Variants in COL6A6 observed in about 807,000 individuals in gnomAD.
The protein encoded by COL6A6 is collagen type VI alpha 6 chain, also known as collagen alpha-6(VI) chain.
In COL6A6, 183 loss-of-function variants were observed where a neutral mutation model predicts 208.6. The ratio of observed to expected loss-of-function variants is 0.88; its 90% CI spans 0.78 to 0.99. The LOEUF is 0.99. Ranked by LOEUF, COL6A6 falls within the 50% of genes least tolerant of loss-of-function variation. The probability of loss-of-function intolerance (pLI) is 0.00; values close to 1 mark genes in which losing one functional copy is unlikely to be tolerated. For synonymous variants in COL6A6, 973 were observed against 1,011.8 expected (o/e 0.96, Z 0.73); for missense variants, 2,816 against 2,815.2 (o/e 1.00, Z -0.01).
rs563329650 is a variant in COL6A6 at position 130,652,381 on chromosome 3, A to T, written c.5733+2819A>T. ...AGTCAGATTCAGAGATGATAAACAC[A>T]ACAAGGACCACATTGCTTTACAACA... On this transcript the variant is annotated intron_variant, in intron 33 of 36. Coordinates refer to ENST00000358511, the MANE Select transcript of COL6A6 (RefSeq NM_001102608.3). 2.6e-5 allele frequency among the ~76,000 whole-genome samples: 4 copies of T among 152,374 alleles called. No individual in the cohort carries two copies. The East Asian group carries it at 7.7e-4, about 29-fold the overall frequency.
intron 36 of COL6A6, among the ~76,000 whole-genome samples, chr3:130,672,964 T>A (rs1199480013): frequency 6.9e-6 from 1 of 145,346 alleles, no homozygotes; most frequent in East Asian, 2.1e-4. Context: ...TAAGCCGGGA[T>A]CATGCCACTG....
In COL6A6 at chr3:130,677,041, A is replaced by G. The variant is rs1298218584; in HGVS notation, c.*1644A>G. 6.6e-6 allele frequency: 1 copy of G among 152,244 alleles called. No homozygotes were observed. Among genetic ancestry groups the G allele is most frequent in the African/African-American group, 2.4e-5 (1 of 41,474 alleles). The allele number at this position is 152,244 out of a possible 1,614,324, so 9.4% of individuals were successfully genotyped here. On this transcript the variant is annotated 3_prime_UTR_variant, in exon 37 of 37. Transcript: ENST00000358511. ...ATTGGCAAGTAAAGAACATAAAACAAATATTCCCTTGGTGACAGATTATTT... is the reference window on the plus strand; with the variant it reads ...ATTGGCAAGTAAAGAACATAAAACAGATATTCCCTTGGTGACAGATTATTT...
intron 32 of COL6A6, among the ~76,000 whole-genome samples, chr3:130,646,943 G>A (rs1184128860): frequency 1.3e-5 from 2 of 152,206 alleles, no homozygotes; most frequent in Non-Finnish European, 2.9e-5. Context: ...CAAAGGCCTA[G>A]TTTAGAGAGG....
intron 20 of COL6A6, among the ~76,000 whole-genome samples, chr3:130,604,683 G>C (rs2064131300): frequency 6.6e-6 from 1 of 152,136 alleles, no homozygotes; most frequent in Admixed American, 6.5e-5. Flanking sequence ...GAAGGGAACA[G>C]GAACTCAATA....
Position 130,565,593 on chromosome 3 carries a change from A to C in COL6A6, c.1261A>C (p.Arg421=), listed in dbSNP as rs1410452841. 1.2e-6 allele frequency: 2 copies of C among 1,612,630 alleles called. No homozygotes were observed. The highest frequency in any genetic ancestry group is 3.3e-5 in the Admixed American group (2 of 59,794). ...ITHTVSVFSE[R]TETLKSGCVD... ...ACACACAGTCTCTGTCTTTTCAGAG[A>C]GGACTGAAACGCTCAAATCTGGTAA... Residue 421 remains arginine, a synonymous_variant, in exon 4 of 37, where the codon AGG becomes CGG. Coordinates refer to ENST00000358511, the MANE Select transcript of COL6A6 (RefSeq NM_001102608.3).
Position 130,581,758 on chromosome 3 carries a change from A to G in COL6A6, c.3745A>G (p.Lys1249Glu), listed in dbSNP as rs771407359. Residue 1249 changes from lysine (K) to glutamate (E), a missense_variant, in exon 9 of 37, where the codon AAA becomes GAA. Transcript: ENST00000358511. ...VAFQVTNAME[K>E]YSPKFEIYSE... is the part of the protein sequence containing the mutation. ...TTTTCAAGTGACCAATGCCATGGAA[A>G]AATATTCTCCCAAGTTTGAGATCTA... is the stretch of plus-strand genomic sequence containing the variant. 8 of 1,613,938 alleles carry G rather than the reference A, an allele frequency of 5.0e-6. No individual in the cohort carries two copies. In the South Asian group the frequency reaches 8.8e-5, roughly 18 times the overall value.
chr3:130,655,752 G>C (rs1012818905), intron 33 of COL6A6, among the ~76,000 whole-genome samples: 12 of 152,222 alleles, frequency 7.9e-5, no homozygotes, highest in Non-Finnish European at 1.8e-4. Context: ...GATCTTTGGG[G>C]TGTTGCTCCA....
chr3:130,669,577 TTTATC>T (rs1430421759), intron 36 of COL6A6, among the ~76,000 whole-genome samples: 2 of 152,056 alleles, frequency 1.3e-5, no homozygotes, highest in African/African-American at 4.8e-5. Context: ...TTTAGGAAAT[TTTATC>T]TTAATTCTCA....
intron 33 of COL6A6, among the ~76,000 whole-genome samples, chr3:130,656,009 C>T (rs555824577): frequency 6.6e-6 from 1 of 152,362 alleles, no homozygotes; most frequent in East Asian, 1.9e-4. Context: ...AAGCAGCTTC[C>T]ACAGCTGGCA....
At chr3:130,674,906 G>A (rs1390587252) in intron 36 of COL6A6, among the ~76,000 whole-genome samples, 1 of 152,162 alleles carries the variant, frequency 6.6e-6, no homozygotes, top group East Asian at 1.9e-4. Flanking sequence ...GGTACCATTT[G>A]AACCCAAATC....
At chr3:130,522,831 A>T (rs2107669737) in intron 1 of COL6A6, among the ~76,000 whole-genome samples, 1 of 151,030 alleles carries the variant, frequency 6.6e-6, no homozygotes, top group Middle Eastern at 3.4e-3. Flanking sequence ...ATCTCTACAA[A>T]CTTCTCTCCA....
Position 130,568,125 on chromosome 3 carries a change from T to C in COL6A6, c.1922T>C (p.Met641Thr). The change falls in exon 6 of 37, where the codon ATG (methionine) becomes ACG (threonine). Residue 641 changes from methionine (M) to threonine (T), a missense_variant. Physicochemically the swap from Met to Thr is moderately conservative, Grantham distance 81. Transcript: ENST00000358511. Reference sequence around the variant, plus strand: ...ATAGGACCTGAAAACTTCAGCAAAATGAAAACATTTATGAAAAACCTGGTG... The same window carrying C: ...ATAGGACCTGAAAACTTCAGCAAAACGAAAACATTTATGAAAAACCTGGTG... ...GSIGPENFSK[M>T]KTFMKNLVSK... is the part of the protein sequence containing the mutation. The C allele has an allele frequency of 5.0e-6, 8 of 1,613,970 alleles. No homozygotes were observed. The highest frequency in any genetic ancestry group is 5.9e-6 in the Non-Finnish European group (7 of 1,179,874).
intron 36 of COL6A6, 62 bp downstream of exon 36, chr3:130,665,158 TC>T: frequency 9.0e-7 from 1 of 1,114,038 alleles, no homozygotes; most frequent in South Asian, 1.5e-5. Context: ...TCTATTTTCC[TC>T]CTCCTCCTTT....
chr3:130,552,281 T>C (rs2062660708), intron 1 of COL6A6, among the ~76,000 whole-genome samples: 1 of 152,198 alleles, frequency 6.6e-6, no homozygotes, highest in South Asian at 2.1e-4. Context: ...AATCTCTTCA[T>C]AGGTCTCTGG....
chr3:130,546,882 T>C (rs2062517808), intron 1 of COL6A6, among the ~76,000 whole-genome samples: 1 of 146,820 alleles, frequency 6.8e-6, no homozygotes, highest in African/African-American at 2.5e-5. Flanking sequence ...CACAGAGCAC[T>C]GATTGGTGCA....
At chr3:130,665,305 T>A (rs532097456) in intron 36 of COL6A6, among the ~76,000 whole-genome samples, 107 of 152,198 alleles carry the variant, frequency 7.0e-4, no homozygotes, top group Non-Finnish European at 2.8e-4. Flanking sequence ...CTTTTTTTTT[T>A]AATGGAAAAG....
chr3:130,609,588 G>A (rs1030045345), intron 22 of COL6A6, among the ~76,000 whole-genome samples: 3 of 152,020 alleles, frequency 2.0e-5, no homozygotes, highest in African/African-American at 2.4e-5. Flanking sequence ...ATAAAGGAAA[G>A]GAAATCCTAG....
intron 1 of COL6A6, among the ~76,000 whole-genome samples, chr3:130,522,656 A>G (rs551254990): frequency 1.3e-5 from 2 of 152,200 alleles, no homozygotes; most frequent in East Asian, 3.9e-4. Context: ...CAAGTCCCAA[A>G]TGGTACTCAT....
At chr3:130,606,147 C>G (rs968417015) in intron 20 of COL6A6, among the ~76,000 whole-genome samples, 1 of 152,120 alleles carries the variant, frequency 6.6e-6, no homozygotes, top group African/African-American at 2.4e-5. Flanking sequence ...AAGACAATTC[C>G]GATTTTATTG....
Sources: gnomAD v4.1 joint callset for allele counts (sites outside exome capture counted in the v4.1 genomes callset) on GRCh38, gnomAD v4.1.1 for gene constraint, MANE v1.5 for transcripts, NCBI Gene and HGNC (gene_info 2026-07-23, HGNC 2026-07-21) for gene names.